The following CSMD1 variants were observed in gnomAD, a reference collection of about 807,000 sequenced individuals.
CSMD1 encodes CUB and sushi domain-containing protein 1.
Under a neutral mutation model 417.5 loss-of-function variants are expected in CSMD1, and 213 were observed. The ratio of observed to expected loss-of-function variants is 0.51; its 90% confidence interval spans 0.46 to 0.57. The LOEUF is 0.57. CSMD1 is among the 20% of genes least tolerant of loss of function. The probability of loss-of-function intolerance (pLI) is 0.00; values close to 1 mark genes in which losing one functional copy is unlikely to be tolerated. For synonymous variants in CSMD1, 2,862 were observed against 1,736.8 expected (o/e 1.65, Z -16.11); for missense variants, 6,923 against 4,529.7 (o/e 1.53, Z -15.17).
intron 29 of CSMD1, among the ~76,000 whole-genome samples, chr8:3,217,926 C>G (rs1797974088): frequency 1.3e-5 from 2 of 151,708 alleles, no homozygotes; most frequent in Non-Finnish European, 2.9e-5. Flanking sequence ...TAAAGAAAAC[C>G]CTCCTAACTG....
chr8:4,749,171 C>G (rs972866812), intron 1 of CSMD1, among the ~76,000 whole-genome samples: 8 of 152,166 alleles, frequency 5.3e-5, no homozygotes, highest in Admixed American at 1.3e-4. Context: ...AAAAGAAAAT[C>G]TATTGATTGA....
intron 1 of CSMD1, among the ~76,000 whole-genome samples, chr8:4,720,260 A>C (rs1458491982): frequency 6.6e-6 from 1 of 151,836 alleles, no homozygotes; most frequent in Non-Finnish European, 1.5e-5. Flanking sequence ...TTTTTGGAAA[A>C]GTTGGAAAAA....
At chr8:3,335,809 G>A (rs1438553702) in intron 23 of CSMD1, among the ~76,000 whole-genome samples, 1 of 152,180 alleles carries the variant, frequency 6.6e-6, no homozygotes, top group Non-Finnish European at 1.5e-5. Context: ...AATCTGCACA[G>A]TGCTTTACTA....
chr8:4,075,059 C>G (rs1052446886), intron 3 of CSMD1, among the ~76,000 whole-genome samples: 7 of 152,008 alleles, frequency 4.6e-5, no homozygotes, highest in Non-Finnish European at 1.0e-4. Context: ...GTAAATAATG[C>G]TCATACAGTG....
intron 1 of CSMD1, among the ~76,000 whole-genome samples, chr8:4,968,804 T>A (rs1336316007): frequency 1.3e-5 from 2 of 152,160 alleles, no homozygotes; most frequent in African/African-American, 4.8e-5. Flanking sequence ...AGTCTGGCAG[T>A]TGCATCTCTT....
At chr8:4,488,269 A>G (rs940852428) in intron 2 of CSMD1, among the ~76,000 whole-genome samples, 1 of 152,202 alleles carries the variant, frequency 6.6e-6, no homozygotes, top group Non-Finnish European at 1.5e-5. Context: ...TGGGAGCTGA[A>G]ATGCCCTGAA....
At chr8:3,917,718 C>G (rs1228471249) in intron 5 of CSMD1, among the ~76,000 whole-genome samples, 2 of 152,014 alleles carry the variant, frequency 1.3e-5, no homozygotes, top group South Asian at 2.1e-4. Flanking sequence ...ACGTATATAT[C>G]CAAGAAACCG....
At chr8:4,322,972 G>T (rs551271325) in intron 3 of CSMD1, among the ~76,000 whole-genome samples, 1 of 152,198 alleles carries the variant, frequency 6.6e-6, no homozygotes, top group Non-Finnish European at 1.5e-5. Context: ...GTGACAGAGC[G>T]AGACTCCGTC....
chr8:4,597,075 T>C (rs1800324065), intron 2 of CSMD1, among the ~76,000 whole-genome samples: 1 of 151,540 alleles, frequency 6.6e-6, no homozygotes, highest in Admixed American at 6.6e-5. Context: ...GTATGTCTTT[T>C]TCAGCAGCAT....
Position 3,653,169 on chromosome 8 carries a change from A to C in CSMD1, c.1010-36372T>G, listed in dbSNP as rs1034261690. Among the ~76,000 whole-genome samples the C allele has an allele frequency of 4.0e-5, 6 of 151,896 alleles. No homozygotes were observed. The East Asian group carries it at 7.7e-4, about 20-fold the overall frequency. On this transcript the variant is annotated intron_variant, in intron 7 of 69. Coordinates refer to ENST00000635120, the MANE Select transcript of CSMD1 (RefSeq NM_033225.6). ...TTTTTTCAAGTTGCATATATTTTTAAATATATAAATATACAAATATATTTA... is the reference window on the plus strand; with the variant it reads ...TTTTTTCAAGTTGCATATATTTTTACATATATAAATATACAAATATATTTA...
At chr8:3,977,747 T>C (rs1188964632) in intron 5 of CSMD1, among the ~76,000 whole-genome samples, 1 of 152,212 alleles carries the variant, frequency 6.6e-6, no homozygotes, top group Non-Finnish European at 1.5e-5. Context: ...GTCTTCACAA[T>C]TTTGTGAATC....
At chr8:3,696,682 A>AAC (rs1484135197) in intron 7 of CSMD1, among the ~76,000 whole-genome samples, 6 of 152,336 alleles carry the variant, frequency 3.9e-5, no homozygotes, top group Admixed American at 2.0e-4. Context: ...CAGATAAGAC[A>AAC]ACAGTCAGTA....
chr8:3,020,748 T>G (rs1316946970), intron 51 of CSMD1, among the ~76,000 whole-genome samples: 3 of 152,142 alleles, frequency 2.0e-5, no homozygotes. Flanking sequence ...TTCTGTGGGG[T>G]GCACTACCAG....
At chr8:3,183,423 C>A (rs1182641148) in intron 36 of CSMD1, among the ~76,000 whole-genome samples, 1 of 142,934 alleles carries the variant, frequency 7.0e-6, no homozygotes, top group Non-Finnish European at 1.5e-5. Flanking sequence ...ATCCCTGAAA[C>A]ATCGAGTAGG....
intron 5 of CSMD1, among the ~76,000 whole-genome samples, chr8:3,875,790 A>G (rs1805774805): frequency 1.3e-5 from 2 of 152,186 alleles, no homozygotes; most frequent in Admixed American, 1.3e-4. Context: ...TTTGTGGTAA[A>G]GGGAAGGTAC....
At chr8:3,835,015 G>A (rs1049989187) in intron 5 of CSMD1, among the ~76,000 whole-genome samples, 1 of 152,106 alleles carries the variant, frequency 6.6e-6, no homozygotes, top group African/African-American at 2.4e-5. Context: ...AAACCACAAT[G>A]AGACACCATC....
intron 7 of CSMD1, among the ~76,000 whole-genome samples, chr8:3,655,672 T>TGG (rs1563239778): frequency 6.6e-5 from 10 of 151,460 alleles, no homozygotes; most frequent in Admixed American, 2.6e-4. Flanking sequence ...TTTTTTTTTT[T>TGG]TTTTTTTTTA....
chr8:4,649,457 C>T (rs1183130769), intron 1 of CSMD1, among the ~76,000 whole-genome samples: 1 of 152,058 alleles, frequency 6.6e-6, no homozygotes, highest in African/African-American at 2.4e-5. Context: ...TGATTTTTTC[C>T]AAAGCCACAT....
At chr8:3,248,108 A>T (rs1406529510) in intron 26 of CSMD1, among the ~76,000 whole-genome samples, 1 of 152,180 alleles carries the variant, frequency 6.6e-6, no homozygotes, top group Non-Finnish European at 1.5e-5. Flanking sequence ...CAGGAGGATG[A>T]CTTGAGGCCA....
Sources: allele counts gnomAD v4.1 joint callset (sites outside exome capture counted in the v4.1 genomes callset), GRCh38; gene constraint gnomAD v4.1.1; transcripts MANE v1.5; gene names NCBI Gene and HGNC (gene_info 2026-07-23, HGNC 2026-07-21).